Variants in P2RY14 observed in about 807,000 individuals in gnomAD.
P2RY14 encodes the protein P2Y purinoceptor 14.
In P2RY14, 2 loss-of-function variants were observed where a neutral mutation model predicts 0.9. The ratio of observed to expected loss-of-function variants is 2.16; its 90% CI spans 0.88 to 6.79. The LOEUF (loss-of-function observed/expected upper bound fraction) is 6.79. Ranked by LOEUF, P2RY14 falls within the 30% of genes most tolerant of loss-of-function variation. P2RY14 has a pLI of 0.05. For missense variants in P2RY14, 378 were observed against 400.1 expected, an observed-to-expected ratio of 0.94 and a Z score of 0.47; for synonymous variants, 158 against 147.2, an observed-to-expected ratio of 1.07 and a Z score of -0.53.
intron 2 of P2RY14, among the ~76,000 whole-genome samples, chr3:151,218,550 C>CAT (rs1332270358): frequency 2.0e-5 from 3 of 151,958 alleles, no homozygotes; most frequent in Admixed American, 6.6e-5. Flanking sequence ...AAGAAAGATT[C>CAT]ATATATATAG....
chr3:151,233,312 A>G (rs993811183), intron 1 of P2RY14, among the ~76,000 whole-genome samples: 2 of 152,198 alleles, frequency 1.3e-5, no homozygotes, highest in Non-Finnish European at 2.9e-5. Flanking sequence ...GCTACCATTC[A>G]TTTTGAGTTT....
chr3:151,224,023 A>G (rs1022313568), intron 1 of P2RY14, among the ~76,000 whole-genome samples: 5 of 152,204 alleles, frequency 3.3e-5, no homozygotes, highest in African/African-American at 1.2e-4. Flanking sequence ...AATATGCCTA[A>G]TATTACTGCC....
intron 1 of P2RY14, among the ~76,000 whole-genome samples, chr3:151,248,519 ACT>A (rs1261384379): frequency 6.6e-6 from 1 of 152,138 alleles, no homozygotes; most frequent in African/African-American, 2.4e-5. Context: ...ACCCAGCTGT[ACT>A]GGTCCACTTT....
intron 1 of P2RY14, among the ~76,000 whole-genome samples, chr3:151,234,955 A>C (rs574858388): frequency 1.3e-5 from 2 of 152,220 alleles, no homozygotes. Context: ...ACTTTCTTCT[A>C]TCTCTTCTAT....
chr3:151,268,021 T>C lies in P2RY14; in HGVS notation c.-133+10266A>G, dbSNP rs142401431. 1.4e-3 allele frequency among the ~76,000 whole-genome samples: 212 copies of C among 152,334 alleles called. 2 individuals carry two copies. The highest frequency in any genetic ancestry group is 4.2e-3 in the Admixed American group (65 of 15,302). On this transcript the variant is annotated intron_variant, in intron 1 of 2. Transcript: ENST00000309170. ...GTAATTTTTGCTCTTTTTAGTCTTA[T>C]GCGTTCTTAGTAAAGTCTCAAGGAA...
chr3:151,228,991 C>A (rs937683331), intron 1 of P2RY14, among the ~76,000 whole-genome samples: 2 of 152,192 alleles, frequency 1.3e-5, no homozygotes, highest in African/African-American at 4.8e-5. Flanking sequence ...GGCTGTTAGA[C>A]CATTAGTGGT....
intron 1 of P2RY14, among the ~76,000 whole-genome samples, chr3:151,242,081 G>A (rs1209600314): frequency 6.6e-6 from 1 of 150,862 alleles, no homozygotes; most frequent in African/African-American, 2.4e-5. Flanking sequence ...TAAAAAACGG[G>A]GCACCACGAG....
At chr3:151,254,658 A>G (rs943076313) in intron 1 of P2RY14, among the ~76,000 whole-genome samples, 1 of 152,234 alleles carries the variant, frequency 6.6e-6, no homozygotes, top group East Asian at 1.9e-4. Flanking sequence ...GTGAAGTCCA[A>G]GTGCATGTTT....
intron 1 of P2RY14, among the ~76,000 whole-genome samples, chr3:151,237,808 G>T (rs1260615230): frequency 6.6e-6 from 1 of 152,084 alleles, no homozygotes; most frequent in Non-Finnish European, 1.5e-5. Context: ...TTTGTACAGT[G>T]ATCTCAAATG....
At chr3:151,278,175 G>A (rs1221325768) in intron 1 of P2RY14, 112 bp downstream of exon 1, 2 of 152,144 alleles carry the variant, frequency 1.3e-5, no homozygotes, top group Non-Finnish European at 2.9e-5. Flanking sequence ...AATGTGAGTG[G>A]CAATGGTTCA....
intron 1 of P2RY14, among the ~76,000 whole-genome samples, chr3:151,267,932 A>G (rs988641584): frequency 6.6e-5 from 10 of 152,200 alleles, no homozygotes; most frequent in African/African-American, 2.4e-4. Context: ...GTTGCTAAGT[A>G]CTTAAGAAAT....
rs759104990 is a variant in P2RY14, at chr3:151,213,493, T to G, written c.824A>C (p.Tyr275Ser). Residue 275 changes from tyrosine (Y) to serine (S), a missense_variant, in exon 3 of 3, where the codon TAT becomes TCT. Tyr to Ser is a moderately radical substitution (Grantham distance 144). Coordinates refer to ENST00000309170, the MANE Select transcript of P2RY14 (RefSeq NM_014879.4). ...YSCQSKEILR[Y>S]MKEFTLLLSA... ...TAGTAGCAGAGTGAATTCTTTCATA[T>G]ACCGCAAGATTTCTTTTGACTGGCA... 1.2e-6 allele frequency: 2 copies of G among 1,614,168 alleles called. No individual in the cohort carries two copies. Among genetic ancestry groups the G allele is most frequent in the Admixed American group, 3.3e-5 (2 of 60,018 alleles).
intron 1 of P2RY14, among the ~76,000 whole-genome samples, chr3:151,271,794 A>T (rs1172168131): frequency 6.6e-6 from 1 of 152,210 alleles, no homozygotes; most frequent in Non-Finnish European, 1.5e-5. Context: ...TTGTGATTCC[A>T]TTTCAGTGTA....
chr3:151,254,648 G>A (rs547399126), intron 1 of P2RY14, among the ~76,000 whole-genome samples: 1 of 152,360 alleles, frequency 6.6e-6, no homozygotes, highest in South Asian at 2.1e-4. Flanking sequence ...AGAGAGAAAT[G>A]TGAAGTCCAA....
intron 1 of P2RY14, among the ~76,000 whole-genome samples, chr3:151,235,858 C>A (rs1344371475): frequency 6.6e-6 from 1 of 152,110 alleles, no homozygotes; most frequent in Admixed American, 6.5e-5. Flanking sequence ...CTTTCCTGTT[C>A]ATGGCATCTA....
In P2RY14 at chr3:151,253,213, C is replaced by T. The variant is rs1737170285; in HGVS notation, c.-133+25074G>A. On this transcript the variant is annotated intron_variant, in intron 1 of 2. Transcript: ENST00000309170. ...AGTGTCTGAGATTTAAGAGCCTGTT[C>T]CGAGAAAAGCCAACAAATATGGAGA... Among the ~76,000 whole-genome samples the T allele has an allele frequency of 2.0e-5, 3 of 152,206 alleles. No homozygotes were observed. The South Asian group carries it at 6.2e-4, about 32-fold the overall frequency.
chr3:151,229,305 CTTTT>C (rs35097589), intron 1 of P2RY14, among the ~76,000 whole-genome samples: 1 of 112,518 alleles, frequency 8.9e-6, no homozygotes, highest in Non-Finnish European at 1.7e-5. Flanking sequence ...TTCAGCAATT[CTTTT>C]TTTTTTTTTT....
At chr3:151,251,381 G>A (rs918030702) in intron 1 of P2RY14, among the ~76,000 whole-genome samples, 12 of 151,782 alleles carry the variant, frequency 7.9e-5, no homozygotes, top group Middle Eastern at 3.2e-3. Context: ...AAAGCCTGGT[G>A]ATTTTTTTTT....
rs59434401 is a variant in P2RY14, at chr3:151,229,473, ATTTT to A, written c.-132-9835_-132-9832del. Among the ~76,000 whole-genome samples the A allele has an allele frequency of 2.8e-3, 255 of 90,124 alleles. 2 individuals carry two copies. Among genetic ancestry groups the A allele is most frequent in the African/African-American group, 9.4e-3 (218 of 23,152 alleles). The allele number at this position is 90,124 out of a possible 152,430, so 59.1% of individuals were successfully genotyped here. A position where few individuals can be genotyped will look rare whatever the true frequency, so the allele number is the denominator to read the frequency against. On this transcript the variant is annotated intron_variant, in intron 1 of 2. Transcript: ENST00000309170. ...AGGCTCGTGCCACCATGCCCGGCTA[ATTTT>A]TTTTTTTTTTTTTTTTTTTGAGACG...
Sources: allele counts gnomAD v4.1 joint callset (sites outside exome capture counted in the v4.1 genomes callset), GRCh38; gene constraint gnomAD v4.1.1; transcripts MANE v1.5; gene names NCBI Gene and HGNC (gene_info 2026-07-23, HGNC 2026-07-21).